Variants in RNF169 observed in about 807,000 individuals in gnomAD.
The protein encoded by RNF169 is E3 ubiquitin-protein ligase RNF169.
In RNF169, 24 loss-of-function variants were observed where a neutral mutation model predicts 53.9. The observed-to-expected ratio is 0.45, with a 90% CI of 0.32 to 0.63. The LOEUF is 0.63. RNF169 is among the 20% of genes least tolerant of loss of function. RNF169 has a pLI of 0.04. For missense variants in RNF169, 883 were observed against 906.2 expected, an observed-to-expected ratio of 0.97 and a Z score of 0.33; for synonymous variants, 396 against 363.5, an observed-to-expected ratio of 1.09 and a Z score of -1.02.
intron 1 of RNF169, among the ~76,000 whole-genome samples, chr11:74,758,615 C>T (rs2035024401): frequency 6.6e-6 from 1 of 151,658 alleles, no homozygotes; most frequent in African/African-American, 2.4e-5. Flanking sequence ...CATTCTCCTG[C>T]CTCAGCCTCC....
At chr11:74,794,825 TTC>T (rs1262017683) in intron 2 of RNF169, among the ~76,000 whole-genome samples, 2 of 152,072 alleles carry the variant, frequency 1.3e-5, no homozygotes, top group African/African-American at 2.4e-5. Context: ...AAGAGAGATA[TTC>T]TCTCTCTCTT....
In RNF169 at chr11:74,836,224, A is replaced by C. The variant is rs1185718676; in HGVS notation, c.1621A>C (p.Thr541Pro). 9 of 1,614,008 alleles carry C rather than the reference A, an allele frequency of 5.6e-6. No individual in the cohort carries two copies. In the Admixed American group the frequency reaches 1.2e-4, roughly 21 times the overall value. The change falls in exon 6 of 6, where the codon ACT becomes CCT. Residue 541 changes from threonine to proline, a missense_variant. By Grantham distance (38) the Thr-to-Pro change is conservative (BLOSUM62 -1). Coordinates refer to ENST00000299563, the MANE Select transcript of RNF169 (RefSeq NM_001098638.2). Reference protein sequence around the residue: ...SSELKGGGSGTSLEREQFEGL... With the variant: ...SSELKGGGSGPSLEREQFEGL... ...AGAACTCAAAGGGGGAGGCAGTGGG[A>C]CTTCTTTGGAGAGGGAGCAGTTTGA...
At chr11:74,797,881 G>A (rs750761219) in intron 2 of RNF169, among the ~76,000 whole-genome samples, 2 of 152,134 alleles carry the variant, frequency 1.3e-5, no homozygotes, top group Non-Finnish European at 1.5e-5. Context: ...AAGATTTTAC[G>A]GACATTTATT....
At chr11:74,807,733 A>G (rs1473608108) in intron 2 of RNF169, 2 of 152,224 alleles carry the variant, frequency 1.3e-5, no homozygotes, top group Non-Finnish European at 2.9e-5. Flanking sequence ...GAGTTCAACA[A>G]ACAACAGCAA....
intron 1 of RNF169, among the ~76,000 whole-genome samples, chr11:74,755,630 A>G (rs565688246): frequency 5.3e-5 from 8 of 152,374 alleles, no homozygotes; most frequent in African/African-American, 1.4e-4. Flanking sequence ...CTAACAGAGT[A>G]GAGGAATGGG....
At chr11:74,775,985 A>G (rs996886322) in intron 1 of RNF169, among the ~76,000 whole-genome samples, 8 of 152,200 alleles carry the variant, frequency 5.3e-5, no homozygotes, top group African/African-American at 1.7e-4. Context: ...TGATTCCTTA[A>G]CCATTCTAGT....
chr11:74,832,290 ATTTTTTT>A (rs745391275), intron 4 of RNF169: 1 of 142,754 alleles, frequency 7.0e-6, no homozygotes, highest in African/African-American at 2.6e-5. Flanking sequence ...GATTGTCAGA[ATTTTTTT>A]TTTTTTTTTT....
In RNF169 at chr11:74,814,380, C is replaced by CTTT. The variant is rs35427771; in HGVS notation, c.724-3199_724-3197dup. Among the ~76,000 whole-genome samples, 764 of 96,224 alleles carry CTTT rather than the reference C, an allele frequency of 7.9e-3. 31 individuals are homozygous for CTTT. Among genetic ancestry groups the CTTT allele is most frequent in the Non-Finnish European group, 0.011 (582 of 50,914 alleles). 63.1% of individuals were successfully genotyped at this position (96,224 alleles called of 152,430 possible). ...ATTGTAGGTGTTCTTTCTTTCTTGC[C>CTTT]TTTTTTTTTTTTTTTTTTTGAGACA... is the stretch of plus-strand genomic sequence containing the variant. On this transcript the variant is annotated intron_variant, in intron 3 of 5. Transcript: ENST00000299563.
At chr11:74,798,740 T>C (rs2135099400) in intron 2 of RNF169, among the ~76,000 whole-genome samples, 1 of 152,188 alleles carries the variant, frequency 6.6e-6, no homozygotes, top group East Asian at 1.9e-4. Flanking sequence ...ACATGTGATG[T>C]TTCCCCTGGA....
chr11:74,831,021 C>T (rs991938404), intron 4 of RNF169: 1 of 152,086 alleles, frequency 6.6e-6, no homozygotes, highest in Non-Finnish European at 1.5e-5. Flanking sequence ...TAAAAGGAAT[C>T]TATAAAAAAC....
At chr11:74,831,758 A>AGT (rs1251532036) in intron 4 of RNF169, 1 of 152,138 alleles carries the variant, frequency 6.6e-6, no homozygotes, top group East Asian at 1.9e-4. Flanking sequence ...CTTACTGCAA[A>AGT]GTATAGCAAT....
chr11:74,827,104 G>C (rs1241002127), intron 4 of RNF169, among the ~76,000 whole-genome samples: 1 of 152,228 alleles, frequency 6.6e-6, no homozygotes, highest in African/African-American at 2.4e-5. Context: ...CGCTGCAGCA[G>C]ACTTCTGCCT....
intron 1 of RNF169, among the ~76,000 whole-genome samples, chr11:74,767,302 CTA>C (rs1378345860): frequency 6.6e-6 from 1 of 152,052 alleles, no homozygotes; most frequent in African/African-American, 2.4e-5. Flanking sequence ...GAGAGTAAAA[CTA>C]TATGGTCATT....
chr11:74,775,546 G>A (rs2135331353), intron 1 of RNF169, among the ~76,000 whole-genome samples: 1 of 151,084 alleles, frequency 6.6e-6, no homozygotes, highest in East Asian at 1.9e-4. Context: ...CCTTCCCCAA[G>A]ATTCTGGTCA....
chr11:74,787,359 G>C (rs1362007944), intron 1 of RNF169, among the ~76,000 whole-genome samples: 2 of 152,120 alleles, frequency 1.3e-5, no homozygotes, highest in Admixed American at 6.6e-5. Context: ...AAATGCATAT[G>C]CATTTCATAT....
At chr11:74,813,172 C>T (rs2135121166) in intron 3 of RNF169, among the ~76,000 whole-genome samples, 1 of 152,308 alleles carries the variant, frequency 6.6e-6, no homozygotes, top group Admixed American at 6.5e-5. Flanking sequence ...AGAGTTCTGT[C>T]ATTTTCCTTT....
rs1163437724 is a variant in RNF169, at chr11:74,748,950, C to A, written c.70C>A (p.Arg24=). 1.4e-6 allele frequency: 2 copies of A among 1,463,570 alleles called. No homozygotes were observed. The highest frequency in any genetic ancestry group is 1.5e-5 in the African/African-American group (1 of 68,466). 90.7% of individuals were successfully genotyped at this position (1,463,570 alleles called of 1,614,324 possible). A position where few individuals can be genotyped will look rare whatever the true frequency, so the allele number is the denominator to read the frequency against. ...AAAAALSRRG[R]RGRCDETAAA... ...AGCAGCCGCTCTGAGTCGGCGGGGC[C>A]GGCGGGGCCGCTGTGACGAGACGGC... The change falls in exon 1 of 6, where the codon CGG becomes AGG. Residue 24 remains arginine, a synonymous_variant. Transcript: ENST00000299563.
At position 74,817,674 on chromosome 11, in the gene RNF169, G is replaced by C; in HGVS notation, c.802G>C (p.Val268Leu). Residue 268 changes from valine to leucine, a missense_variant, in exon 4 of 6, where the codon GTT (valine) becomes CTT (leucine). Val to Leu is a conservative substitution (Grantham distance 32). This residue lies in a region of RNF169 where 219 missense variants were observed against 289.1 expected (regional missense o/e 0.76). Transcript: ENST00000299563. ...QMTQTHRSAF[V>L]SKNNSYSLAF... is the part of the protein sequence containing the mutation. ...GACACAGACACATCGCTCGGCATTT[G>C]TTTCCAAGAACAACTCCTACTCCTT... 1 of 1,613,864 alleles carries C rather than the reference G, an allele frequency of 6.2e-7. No homozygotes were observed. Among genetic ancestry groups the C allele is most frequent in the Non-Finnish European group, 8.5e-7 (1 of 1,179,762 alleles).
chr11:74,779,147 A>T (rs2035380040), intron 1 of RNF169, among the ~76,000 whole-genome samples: 1 of 152,170 alleles, frequency 6.6e-6, no homozygotes. Context: ...ATTTTTATGT[A>T]AAAGTTTTGC....
Sources: allele counts gnomAD v4.1 joint callset (sites outside exome capture counted in the v4.1 genomes callset), GRCh38; gene constraint gnomAD v4.1.1; regional missense constraint gnomAD v4.1.1; transcripts MANE v1.5; gene names NCBI Gene and HGNC (gene_info 2026-07-23, HGNC 2026-07-21).